The following REXO5 variants were observed in gnomAD, a reference collection of about 807,000 sequenced individuals.
The protein encoded by REXO5 is RNA exonuclease 5, also known as exonuclease NEF-sp.
REXO5 carries 48 observed loss-of-function variants against 88.5 expected under a neutral mutation model. That is an observed-to-expected ratio of 0.54 (90% confidence interval 0.43 to 0.69). REXO5 has a LOEUF of 0.69. REXO5 is among the 30% of genes least tolerant of loss of function. REXO5 has a pLI of 0.00. For synonymous variants in REXO5, 311 were observed against 336.5 expected (o/e 0.92, Z 0.83); for missense variants, 749 against 912.2 (o/e 0.82, Z 2.30).
At chr16:20,838,059 G>C (rs886208154) in intron 13 of REXO5, among the ~76,000 whole-genome samples, 1 of 152,082 alleles carries the variant, frequency 6.6e-6, no homozygotes, top group Non-Finnish European at 1.5e-5. Context: ...GAGCCACCGC[G>C]CCCAGCTGTT....
chr16:20,840,089 C>T, intron 14 of REXO5: 1 of 530,328 alleles, frequency 1.9e-6, no homozygotes. Context: ...TTCTGTATCA[C>T]TACATATCTT....
chr16:20,847,135 C>T (rs531735789), intron 19 of REXO5, among the ~76,000 whole-genome samples: 91 of 152,044 alleles, frequency 6.0e-4, no homozygotes, highest in Non-Finnish European at 1.0e-3. Flanking sequence ...TCTGGTTAGG[C>T]GCAGTGGCTC....
intron 6 of REXO5, 58 bp downstream of exon 6, chr16:20,821,960 TA>T: frequency 7.0e-7 from 1 of 1,435,402 alleles, no homozygotes; most frequent in South Asian, 1.6e-5. Context: ...ACAGCTTATT[TA>T]AATACTACTG....
chr16:20,824,929 A>G (rs946695009), intron 7 of REXO5, among the ~76,000 whole-genome samples: 2 of 152,056 alleles, frequency 1.3e-5, no homozygotes, highest in Non-Finnish European at 2.9e-5. Flanking sequence ...GAATCGCTTG[A>G]ACCCAGTAGG....
intron 18 of REXO5, 89 bp from the exon 19 acceptor site, chr16:20,846,132 C>A: frequency 9.9e-7 from 1 of 1,012,762 alleles, no homozygotes; most frequent in Non-Finnish European, 1.6e-6. Flanking sequence ...AATCCCATAG[C>A]CTTAGAGGCA....
At chr16:20,807,165 G>A in intron 2 of REXO5, 74 bp downstream of exon 2, 1 of 1,517,934 alleles carries the variant, frequency 6.6e-7, no homozygotes, top group South Asian at 1.3e-5. Context: ...ACCGCCGTCG[G>A]GGGCACTGGA....
chr16:20,814,701 T>C lies in REXO5; in HGVS notation c.252-226T>C, dbSNP rs148451118. Among the ~76,000 whole-genome samples, 59 of 152,364 alleles carry C rather than the reference T, an allele frequency of 3.9e-4. No homozygotes were observed. The Middle Eastern group carries it at 0.014, about 35-fold the overall frequency. ...TTTAAATGCATTGCATTTTGCTTGG[T>C]ATTTTACTGGATTTGAATACAACAA... is the stretch of plus-strand genomic sequence containing the variant. On this transcript the variant is annotated intron_variant, in intron 3 of 19. Coordinates refer to ENST00000261377, the MANE Select transcript of REXO5 (RefSeq NM_030941.3).
chr16:20,842,478 G>GTTT (rs201370873), intron 15 of REXO5, among the ~76,000 whole-genome samples: 24 of 133,064 alleles, frequency 1.8e-4, no homozygotes, highest in South Asian at 2.4e-4. Context: ...CCTTTGTTTT[G>GTTT]TTTGTTTTTT....
intron 15 of REXO5, among the ~76,000 whole-genome samples, chr16:20,842,163 A>G (rs1433115106): frequency 1.3e-5 from 2 of 152,128 alleles, no homozygotes; most frequent in Admixed American, 6.5e-5. Context: ...CATCATCCCG[A>G]ACTGAAATTT....
At chr16:20,808,325 C>T (rs987684336) in intron 2 of REXO5, among the ~76,000 whole-genome samples, 3 of 152,106 alleles carry the variant, frequency 2.0e-5, no homozygotes, top group Non-Finnish European at 2.9e-5. Flanking sequence ...GTTCATTGGG[C>T]TTTTTTGTTT....
Position 20,842,197 on chromosome 16 carries a change from T to A in REXO5, c.1626+1729T>A, listed in dbSNP as rs991979136. On this transcript the variant is annotated intron_variant, in intron 15 of 19. Transcript: ENST00000261377. ...TTCCTATTAAGCAATAATTTCCTAT[T>A]ACCCCTCCCCCCAGCCCCTGGTAAT... Among the ~76,000 whole-genome samples the A allele has an allele frequency of 5.3e-5, 8 of 152,292 alleles. No homozygotes were observed. In the South Asian group the frequency reaches 6.2e-4, roughly 12 times the overall value.
At chr16:20,839,101 A>G (rs2032315422) in intron 13 of REXO5, among the ~76,000 whole-genome samples, 1 of 152,166 alleles carries the variant, frequency 6.6e-6, no homozygotes, top group Non-Finnish European at 1.5e-5. Flanking sequence ...TTCCAGAATG[A>G]TGGTGTGGTG....
intron 2 of REXO5, among the ~76,000 whole-genome samples, chr16:20,811,703 A>G (rs1156785205): frequency 6.6e-6 from 1 of 152,218 alleles, no homozygotes. Context: ...AGTTGTGAGA[A>G]TTAAATGATT....
At chr16:20,842,478 G>GTTTTTTTTTTTTTTTTT (rs201370873) in intron 15 of REXO5, among the ~76,000 whole-genome samples, 1 of 133,064 alleles carries the variant, frequency 7.5e-6, no homozygotes. Context: ...CCTTTGTTTT[G>GTTTTTTTTTTTTTTTTT]TTTGTTTTTT....
chr16:20,845,297 C>A, intron 18 of REXO5, 56 bp downstream of exon 18: 17 of 1,406,964 alleles, frequency 1.2e-5, no homozygotes, highest in Non-Finnish European at 1.6e-5. Flanking sequence ...CTCAGTGACA[C>A]TTAATCCTTT....
chr16:20,838,195 T>C (rs2081466649), intron 13 of REXO5, among the ~76,000 whole-genome samples: 1 of 152,180 alleles, frequency 6.6e-6, no homozygotes, highest in African/African-American at 2.4e-5. Context: ...TGCAGTTTTT[T>C]CTTCTTTTTT....
rs562171579 is a variant in REXO5 at position 20,844,767 on chromosome 16, C to T, written c.1858C>T (p.Arg620Cys). 25 of 1,614,176 alleles carry T rather than the reference C, an allele frequency of 1.5e-5. No individual in the cohort carries two copies. Among genetic ancestry groups the T allele is most frequent in the South Asian group, 6.6e-5 (6 of 91,086 alleles). ...TFKEQLLQEP[R>C]LFLGLEAVIL... The stretch of plus-strand genomic sequence containing the variant: ...CAAAGAACAGCTATTGCAGGAGCCC[C>T]GCCTCTTTCTTGGCCTGGAAGCTGT... The change falls in exon 17 of 20, where the codon CGC (arginine) becomes TGC (cysteine). Residue 620 changes from arginine (R) to cysteine (C), a missense_variant. Arg to Cys is a radical substitution (Grantham distance 180). Coordinates refer to ENST00000261377, the MANE Select transcript of REXO5 (RefSeq NM_030941.3).
Position 20,806,566 on chromosome 16 carries a change from T to A in REXO5, c.-142T>A. ...TGGCTAAGGAGGGGAGAACCTCTGC[T>A]CCCCGCCCGTCTTCTCTTCTGCGTT... On this transcript the variant is annotated 5_prime_UTR_variant, in exon 1 of 20. Coordinates refer to ENST00000261377, the MANE Select transcript of REXO5 (RefSeq NM_030941.3). 4 of 1,476,304 alleles carry A rather than the reference T, an allele frequency of 2.7e-6. No homozygotes were observed. The South Asian group carries it at 3.9e-5, about 15-fold the overall frequency. 91.5% of individuals were successfully genotyped at this position (1,476,304 alleles called of 1,614,324 possible). A position where few individuals can be genotyped will look rare whatever the true frequency, so the allele number is the denominator to read the frequency against.
chr16:20,816,368 G>T (rs2081082107), intron 5 of REXO5, among the ~76,000 whole-genome samples, 156 bp downstream of exon 5: 1 of 151,900 alleles, frequency 6.6e-6, no homozygotes, highest in Admixed American at 6.6e-5. Context: ...TTGTCACCCA[G>T]GTGTGAGTGC....
Sources: gnomAD v4.1 joint callset for allele counts (sites outside exome capture counted in the v4.1 genomes callset) on GRCh38, gnomAD v4.1.1 for gene constraint, MANE v1.5 for transcripts, NCBI Gene and HGNC (gene_info 2026-07-23, HGNC 2026-07-21) for gene names.